TCAIM: variants seen among roughly 807,000 people sequenced by gnomAD.
TCAIM encodes T-cell activation inhibitor, mitochondrial.
TCAIM carries 36 observed loss-of-function variants against 58.6 expected under a neutral mutation model. The ratio of observed to expected loss-of-function variants is 0.61; its 90% CI spans 0.47 to 0.81. The LOEUF is 0.81. Ranked by LOEUF, TCAIM falls within the 30% of genes least tolerant of loss-of-function variation. The pLI is 0.00. For synonymous variants in TCAIM, 172 were observed against 193.6 expected, an observed-to-expected ratio of 0.89 and a Z score of 0.93; for missense variants, 466 against 579.6, an observed-to-expected ratio of 0.80 and a Z score of 2.01.
At chr3:44,362,200 A>G (rs6771167) in intron 4 of TCAIM, among the ~76,000 whole-genome samples, 22,365 of 152,214 alleles carry the variant, frequency 0.15, 1,684 homozygotes, top group Admixed American at 0.17. Context: ...AGGCTAAAAC[A>G]GGATACACTG....
At chr3:44,357,677 T>G in intron 2 of TCAIM, 64 bp from the exon 3 acceptor site, 2 of 1,592,264 alleles carry the variant, frequency 1.3e-6, no homozygotes, top group Non-Finnish European at 1.7e-6. Context: ...TTGTCACTTA[T>G]ACATTGAGGA....
At chr3:44,358,819 GA>G (rs1219247345) in intron 3 of TCAIM, 14 of 985,212 alleles carry the variant, frequency 1.4e-5, no homozygotes, top group African/African-American at 1.7e-5. Context: ...AAAGGAACTT[GA>G]AATCTTGAAA....
At chr3:44,392,304 T>A (rs1185805373) in intron 5 of TCAIM, among the ~76,000 whole-genome samples, 1 of 152,214 alleles carries the variant, frequency 6.6e-6, no homozygotes, top group Non-Finnish European at 1.5e-5. Flanking sequence ...TAAGGTAATG[T>A]ATGTGTCCTT....
chr3:44,393,147 T>C (rs972045011), intron 6 of TCAIM, among the ~76,000 whole-genome samples, 170 bp downstream of exon 6: 2 of 152,218 alleles, frequency 1.3e-5, no homozygotes, highest in African/African-American at 2.4e-5. Flanking sequence ...AAAACTCTTA[T>C]TAATTTCTTA....
chr3:44,340,706 A>C (rs953139802), intron 1 of TCAIM: 16 of 152,044 alleles, frequency 1.1e-4, no homozygotes, highest in Non-Finnish European at 1.6e-4. Context: ...CTGAGTGTGC[A>C]TCAGAATCCC....
At chr3:44,373,645 CTCTG>C (rs995271070) in intron 5 of TCAIM, among the ~76,000 whole-genome samples, 2 of 151,816 alleles carry the variant, frequency 1.3e-5, no homozygotes, top group African/African-American at 4.8e-5. Context: ...CAGAGTGAGA[CTCTG>C]TCTGAAAAAA....
At chr3:44,403,481 A>G (rs1384464582) in intron 10 of TCAIM, among the ~76,000 whole-genome samples, 1 of 152,120 alleles carries the variant, frequency 6.6e-6, no homozygotes, top group East Asian at 1.9e-4. Context: ...TGTTCATGCT[A>G]TTTCTTTTCT....
At chr3:44,357,656 G>A (rs558454489) in intron 2 of TCAIM, 85 bp from the exon 3 acceptor site, 11 of 1,538,754 alleles carry the variant, frequency 7.1e-6, no homozygotes, top group African/African-American at 2.8e-5. Flanking sequence ...TGCATAGTAC[G>A]TTTAGTTTTA....
At chr3:44,405,775 G>A (rs1407333574) in intron 10 of TCAIM, among the ~76,000 whole-genome samples, 3 of 151,456 alleles carry the variant, frequency 2.0e-5, no homozygotes, top group South Asian at 2.1e-4. Context: ...GGCCAACATG[G>A]CAAAACCCTG....
At chr3:44,377,710 C>G (rs1701588505) in intron 5 of TCAIM, among the ~76,000 whole-genome samples, 1 of 152,080 alleles carries the variant, frequency 6.6e-6, no homozygotes, top group Admixed American at 6.6e-5. Flanking sequence ...AAATCAACAA[C>G]AGAAGTAAAA....
chr3:44,341,175 G>A (rs1007722198), intron 1 of TCAIM: 1 of 152,102 alleles, frequency 6.6e-6, no homozygotes, highest in Admixed American at 6.5e-5. Flanking sequence ...AGAATTATTG[G>A]AAAAAGGAAA....
intron 4 of TCAIM, among the ~76,000 whole-genome samples, chr3:44,363,447 T>A (rs2125635695): frequency 6.6e-6 from 1 of 152,344 alleles, no homozygotes; most frequent in Non-Finnish European, 1.5e-5. Context: ...AAATTTTTAT[T>A]TCTAGAACAC....
rs757735601 is a variant in TCAIM at position 44,401,234 on chromosome 3, G to A, written c.1150G>A (p.Gly384Arg). 7 of 1,613,844 alleles carry A rather than the reference G, an allele frequency of 4.3e-6. No homozygotes were observed. Among genetic ancestry groups the A allele is most frequent in the Non-Finnish European group, 5.9e-6 (7 of 1,179,932 alleles). ...DRYAPSLHELGHFNIPTLCDP... is the reference protein window; with the variant it reads ...DRYAPSLHELRHFNIPTLCDP... ...ATATGCTCCAAGCTTGCATGAACTCGGGCATTTTAATATTCCAACACTCTG... is the reference window on the plus strand; with the variant it reads ...ATATGCTCCAAGCTTGCATGAACTCAGGCATTTTAATATTCCAACACTCTG... The change falls in exon 10 of 11, where the codon GGG (glycine) becomes AGG (arginine). Residue 384 changes from glycine to arginine, a missense_variant. Coordinates refer to ENST00000342649, the MANE Select transcript of TCAIM (RefSeq NM_173826.4).
chr3:44,373,368 T>C (rs1028084687), intron 5 of TCAIM, among the ~76,000 whole-genome samples: 1 of 152,140 alleles, frequency 6.6e-6, no homozygotes, highest in Non-Finnish European at 1.5e-5. Context: ...ATAAAAATGA[T>C]AAAATGAAAG....
chr3:44,370,300 A>G (rs945686164), intron 5 of TCAIM, among the ~76,000 whole-genome samples: 3 of 152,092 alleles, frequency 2.0e-5, no homozygotes, highest in Non-Finnish European at 4.4e-5. Flanking sequence ...TCTCTACTAA[A>G]AATACAAAAA....
chr3:44,373,761 C>G (rs1701520598), intron 5 of TCAIM, among the ~76,000 whole-genome samples: 1 of 152,102 alleles, frequency 6.6e-6, no homozygotes, highest in Admixed American at 6.6e-5. Context: ...AAATGCTGTT[C>G]CGTGTTGTCA....
Position 44,361,485 on chromosome 3 carries a change from TC to T in TCAIM, c.288del (p.Ser97ProfsTer25). On this transcript the variant is annotated frameshift_variant, in exon 4 of 11. Transcript: ENST00000342649. LOFTEE classifies it high-confidence loss of function. The part of the protein sequence containing the change: ...TFYVRETDQS[S>X]SDGQEPFSTS... Reference sequence around the variant, plus strand: ...TTATGTAAGAGAAACAGACCAGAGTTCCTCCGATGGCCAGGAACCTTTTAGT... The same window carrying T: ...TTATGTAAGAGAAACAGACCAGAGTTCTCCGATGGCCAGGAACCTTTTAGT... 1 of 1,607,162 alleles carries T rather than the reference TC, an allele frequency of 6.2e-7. No homozygotes were observed. The highest frequency in any genetic ancestry group is 1.3e-5 in the African/African-American group (1 of 74,786).
Position 44,345,282 on chromosome 3 carries a change from T to C in TCAIM, c.-45+6448T>C, listed in dbSNP as rs113016985. Among the ~76,000 whole-genome samples the C allele has an allele frequency of 2.6e-3, 400 of 152,042 alleles. 5 individuals carry two copies. The highest frequency in any genetic ancestry group is 9.3e-3 in the African/African-American group (386 of 41,524). ...ATTGGTGATGGCCTGGATACGGTTT[T>C]GTATGAATTGAGAAACTAAACAGAA... On this transcript the variant is annotated intron_variant, in intron 1 of 10. Transcript: ENST00000342649.
chr3:44,373,737 T>TA (rs1370423968), intron 5 of TCAIM, among the ~76,000 whole-genome samples: 4 of 151,984 alleles, frequency 2.6e-5, no homozygotes, highest in Admixed American at 1.3e-4. Flanking sequence ...TGTTCCAGTC[T>TA]AAAAAAAATT....
Sources: allele counts gnomAD v4.1 joint callset (sites outside exome capture counted in the v4.1 genomes callset), GRCh38; gene constraint gnomAD v4.1.1; transcripts MANE v1.5; gene names NCBI Gene and HGNC (gene_info 2026-07-23, HGNC 2026-07-21).